Variants in USP32 observed in about 807,000 individuals in gnomAD.
USP32 encodes the protein ubiquitin specific peptidase 32, also known as ubiquitin carboxyl-terminal hydrolase 32.
Under a neutral mutation model 204.8 loss-of-function variants are expected in USP32, and 59 were observed. The ratio of observed to expected loss-of-function variants is 0.29; its 90% CI spans 0.23 to 0.36. The LOEUF (loss-of-function observed/expected upper bound fraction) is 0.36, where lower values mean the gene tolerates loss of function less well. Ranked by LOEUF, USP32 falls within the 10% of genes least tolerant of loss-of-function variation. The pLI, the probability that USP32 is intolerant of heterozygous loss-of-function variation, is 1.00. For synonymous variants in USP32, 517 were observed against 678.4 expected (o/e 0.76, Z 3.70); for missense variants, 1,160 against 1,946.4 (o/e 0.60, Z 7.60).
chr17:60,361,508 T>C (rs773667021), intron 1 of USP32, among the ~76,000 whole-genome samples: 5 of 152,176 alleles, frequency 3.3e-5, no homozygotes, highest in Admixed American at 1.3e-4. Context: ...CTTAGATACA[T>C]ACAGAGAGTG....
chr17:60,295,136 C>T (rs2087394781), intron 3 of USP32, among the ~76,000 whole-genome samples: 1 of 151,344 alleles, frequency 6.6e-6, no homozygotes, highest in South Asian at 2.1e-4. Flanking sequence ...TAGTAAAGGT[C>T]AAGAGACATT....
chr17:60,288,030 C>T (rs577899665), intron 5 of USP32, among the ~76,000 whole-genome samples: 13 of 137,288 alleles, frequency 9.5e-5, no homozygotes, highest in South Asian at 7.2e-4. Flanking sequence ...AGGAGAATGG[C>T]GTGAACCCGG....
At chr17:60,404,441 T>C (rs2089960068) in intron 1 of USP32, among the ~76,000 whole-genome samples, 1 of 152,150 alleles carries the variant, frequency 6.6e-6, no homozygotes, top group African/African-American at 2.4e-5. Flanking sequence ...CCAGGGCAAA[T>C]CCCAACTTGA....
At chr17:60,209,940 A>G in intron 21 of USP32, among the ~76,000 whole-genome samples, 1 of 151,998 alleles carries the variant, frequency 6.6e-6, no homozygotes, top group East Asian at 1.9e-4. Context: ...TACATAGTAT[A>G]TACATAACAT....
At position 60,179,074 on chromosome 17, in the gene USP32, A is replaced by G; in HGVS notation, c.*181T>C. 1.4e-6 allele frequency: 1 copy of G among 727,160 alleles called. No individual in the cohort carries two copies. The highest frequency in any genetic ancestry group is 2.1e-6 in the Non-Finnish European group (1 of 469,064). The allele number at this position is 727,160 out of a possible 1,614,324, so 45.0% of individuals were successfully genotyped here. ...ATCGGAGAGCTTGTATGAGACTTCA[A>G]AATAAAATGATTACTACTCTTAAAG... On this transcript the variant is annotated 3_prime_UTR_variant, in exon 34 of 34. Transcript: ENST00000300896.
At chr17:60,361,138 AAAC>A (rs1567874512) in intron 1 of USP32, among the ~76,000 whole-genome samples, 1 of 152,158 alleles carries the variant, frequency 6.6e-6, no homozygotes, top group Admixed American at 6.5e-5. Context: ...CAGAACAAAC[AAAC>A]AACAACAACA....
chr17:60,237,255 C>T (rs1172419218), intron 11 of USP32, among the ~76,000 whole-genome samples: 1 of 151,768 alleles, frequency 6.6e-6, no homozygotes, highest in African/African-American at 2.4e-5. Flanking sequence ...ATCCTCCTGC[C>T]TCAGCCTCAC....
At chr17:60,412,041 CT>C (rs1225782637) in intron 1 of USP32, among the ~76,000 whole-genome samples, 1 of 152,158 alleles carries the variant, frequency 6.6e-6, no homozygotes, top group African/African-American at 2.4e-5. Context: ...ATTGCAAAAA[CT>C]TAATAATCAG....
chr17:60,350,690 TTC>T (rs1373150026), intron 1 of USP32, among the ~76,000 whole-genome samples: 1 of 151,720 alleles, frequency 6.6e-6, no homozygotes, highest in Non-Finnish European at 1.5e-5. Context: ...TTCTTAAATC[TTC>T]TCTCTCTCCC....
chr17:60,385,988 A>G (rs767085209), intron 1 of USP32, among the ~76,000 whole-genome samples: 3 of 152,214 alleles, frequency 2.0e-5, no homozygotes, highest in Admixed American at 6.5e-5. Context: ...ATCTCTGACT[A>G]TAAAAGAAAA....
rs2089850344 is a variant in USP32 at position 60,392,105 on chromosome 17, C to T, written c.-166G>A. On this transcript the variant is annotated 5_prime_UTR_variant, in exon 1 of 34. Transcript: ENST00000300896. The stretch of plus-strand genomic sequence containing the variant: ...TTCTGCCCCGGCGGCTCCTCCCGGT[C>T]GCCGCCACCGCCTCCATGCCGGATC... The T allele has an allele frequency of 1.6e-6, 1 of 637,674 alleles. No individual in the cohort carries two copies. Among genetic ancestry groups the T allele is most frequent in the Non-Finnish European group, 2.6e-6 (1 of 386,014 alleles). 39.5% of individuals were successfully genotyped at this position (637,674 alleles called of 1,614,324 possible).
chr17:60,406,398 C>T (rs2089976272), intron 1 of USP32, among the ~76,000 whole-genome samples: 1 of 150,738 alleles, frequency 6.6e-6, no homozygotes, highest in African/African-American at 2.4e-5. Context: ...AAGCTGGTCT[C>T]AAACTCCTGG....
At chr17:60,398,055 A>G (rs79958986) in intron 1 of USP32, among the ~76,000 whole-genome samples, 3,278 of 152,272 alleles carry the variant, frequency 0.022, 138 homozygotes, top group African/African-American at 0.075. Flanking sequence ...AAGCTATAAA[A>G]TAGCATTTAG....
intron 29 of USP32, among the ~76,000 whole-genome samples, chr17:60,187,725 G>T (rs2084285089): frequency 6.6e-6 from 1 of 152,212 alleles, no homozygotes; most frequent in South Asian, 2.1e-4. Context: ...GGACTGTACT[G>T]ACAATAATTT....
intron 4 of USP32, among the ~76,000 whole-genome samples, chr17:60,292,572 G>A (rs184959318): frequency 1.4e-3 from 208 of 152,046 alleles, no homozygotes; most frequent in African/African-American, 4.9e-3. Flanking sequence ...TAATCAATAC[G>A]AGAAAAAATT....
chr17:60,281,802 C>T (rs1239791993), intron 5 of USP32, among the ~76,000 whole-genome samples: 3 of 152,134 alleles, frequency 2.0e-5, no homozygotes, highest in African/African-American at 7.2e-5. Context: ...AGTTCATGGT[C>T]CATCTACATC....
At chr17:60,384,727 G>A (rs2089700194) in intron 1 of USP32, among the ~76,000 whole-genome samples, 1 of 151,950 alleles carries the variant, frequency 6.6e-6, no homozygotes, top group Non-Finnish European at 1.5e-5. Flanking sequence ...GGGAGGCGGA[G>A]GTTGCAGTGA....
intron 6 of USP32, among the ~76,000 whole-genome samples, chr17:60,270,561 C>T (rs1337262199): frequency 1.3e-5 from 2 of 152,132 alleles, no homozygotes; most frequent in Non-Finnish European, 2.9e-5. Flanking sequence ...CAGTGGCTCA[C>T]GCCTGTAATC....
chr17:60,375,844 G>A (rs1175349287), intron 1 of USP32, among the ~76,000 whole-genome samples: 2 of 152,162 alleles, frequency 1.3e-5, no homozygotes, highest in African/African-American at 2.4e-5. Context: ...TTGACCTCAG[G>A]TGATCTGCCT....
Sources: allele counts gnomAD v4.1 joint callset (sites outside exome capture counted in the v4.1 genomes callset), GRCh38; gene constraint gnomAD v4.1.1; transcripts MANE v1.5; gene names NCBI Gene and HGNC (gene_info 2026-07-23, HGNC 2026-07-21).